The following RASSF8 variants were observed in gnomAD, a reference collection of about 807,000 sequenced individuals.
RASSF8 encodes the protein ras association domain-containing protein 8.
RASSF8 carries 22 observed loss-of-function variants against 48.5 expected under a neutral mutation model. The observed-to-expected ratio is 0.45, with a 90% CI of 0.32 to 0.65. The LOEUF (loss-of-function observed/expected upper bound fraction) is 0.65. Ranked by LOEUF, RASSF8 falls within the 30% of genes least tolerant of loss-of-function variation. RASSF8 has a pLI of 0.03. For missense variants in RASSF8, 418 were observed against 489.2 expected (o/e 0.85, Z 1.37); for synonymous variants, 127 against 171.5 (o/e 0.74, Z 2.03).
At chr12:26,051,796 T>A (rs531670348) in intron 2 of RASSF8, among the ~76,000 whole-genome samples, 28 of 152,316 alleles carry the variant, frequency 1.8e-4, no homozygotes, top group African/African-American at 5.3e-4. Flanking sequence ...GAAACTCAAC[T>A]GAGTGCTTAC....
chr12:26,073,761 A>T (rs1944041650), downstream of RASSF8, among the ~76,000 whole-genome samples: 3 of 136,074 alleles, frequency 2.2e-5, no homozygotes, highest in South Asian at 4.7e-4. Flanking sequence ...ACACACACAC[A>T]CACACACACA....
chr12:26,066,439 TCTC>T (rs1943876907), intron 4 of RASSF8, among the ~76,000 whole-genome samples: 1 of 152,182 alleles, frequency 6.6e-6, no homozygotes, highest in Non-Finnish European at 1.5e-5. Context: ...ACTGATGTGA[TCTC>T]CTTTCTCCGT....
intron 2 of RASSF8, among the ~76,000 whole-genome samples, chr12:26,013,124 A>G (rs532340527): frequency 4.3e-4 from 65 of 152,264 alleles, no homozygotes; most frequent in Non-Finnish European, 2.9e-4. Context: ...TGTTTTCCAC[A>G]GGATCCTTTG....
intron 2 of RASSF8, among the ~76,000 whole-genome samples, chr12:26,028,194 ATTTTCT>A (rs71069205): frequency 0.38 from 57,718 of 151,834 alleles, 11,590 homozygotes; most frequent in Non-Finnish European, 0.45. Context: ...TCAGAACTTC[ATTTTCT>A]TTCCCTGTAC....
intron 2 of RASSF8, among the ~76,000 whole-genome samples, chr12:26,041,601 A>G (rs1379345187): frequency 1.3e-5 from 2 of 152,140 alleles, no homozygotes; most frequent in Admixed American, 1.3e-4. Context: ...GGGGGGGTGT[A>G]CACACCCATA....
chr12:25,988,407 G>A (rs1276165963), intron 1 of RASSF8, among the ~76,000 whole-genome samples: 1 of 152,024 alleles, frequency 6.6e-6, no homozygotes, highest in African/African-American at 2.4e-5. Context: ...ACAATAAGCT[G>A]GATAATCAAA....
At chr12:26,027,700 A>G (rs559509876) in intron 2 of RASSF8, among the ~76,000 whole-genome samples, 3 of 152,346 alleles carry the variant, frequency 2.0e-5, no homozygotes, top group African/African-American at 7.2e-5. Context: ...CATTGATAAG[A>G]TTAAACATTT....
chr12:26,041,045 G>A (rs867091540), intron 2 of RASSF8, among the ~76,000 whole-genome samples: 6 of 112,540 alleles, frequency 5.3e-5, no homozygotes, highest in Middle Eastern at 4.3e-3. Context: ...CCGCCACCGC[G>A]CCTGGTTAAT....
intron 2 of RASSF8, among the ~76,000 whole-genome samples, chr12:26,051,879 T>G (rs1591803382): frequency 6.6e-6 from 1 of 152,194 alleles, no homozygotes; most frequent in African/African-American, 2.4e-5. Flanking sequence ...ATAATATATA[T>G]GTTTTCCCCA....
chr12:26,065,154 T>A lies in RASSF8; in HGVS notation c.760T>A (p.Cys254Ser). The A allele has an allele frequency of 6.2e-7, 1 of 1,613,886 alleles. No individual in the cohort carries two copies. Among genetic ancestry groups the A allele is most frequent in the South Asian group, 1.1e-5 (1 of 91,026 alleles). Residue 254 changes from cysteine (C) to serine (S), a missense_variant, in exon 4 of 6, where the codon TGT becomes AGT. Physicochemically the swap from Cys to Ser is moderately radical, Grantham distance 112. Transcript: ENST00000689635. Reference protein sequence around the residue: ...LQEIRQKITECENKLKDYLAQ... With the variant: ...LQEIRQKITESENKLKDYLAQ... ...AGAAATAAGACAGAAAATAACAGAA[T>A]GTGAAAACAAATTAAAGGACTATTT...
intron 2 of RASSF8, among the ~76,000 whole-genome samples, chr12:26,026,529 G>A (rs930475588): frequency 5.3e-5 from 8 of 151,966 alleles, no homozygotes; most frequent in Non-Finnish European, 1.0e-4. Flanking sequence ...TCCACCTCCC[G>A]GGTTCAAGTG....
chr12:26,065,814 C>T (rs979580696), intron 4 of RASSF8, among the ~76,000 whole-genome samples: 5 of 152,180 alleles, frequency 3.3e-5, no homozygotes, highest in Admixed American at 2.0e-4. Flanking sequence ...AAACAGCCCC[C>T]GTCCCTTCTC....
chr12:26,003,932 T>G (rs1344698991), intron 2 of RASSF8, among the ~76,000 whole-genome samples: 1 of 152,122 alleles, frequency 6.6e-6, no homozygotes, highest in East Asian at 1.9e-4. Context: ...ATCCTAGCAC[T>G]TTAGGAGGCT....
At position 26,070,481 on chromosome 12, in the gene RASSF8, T is replaced by A. The variant is rs753693882; in HGVS notation, c.*1663T>A. 1.0e-5 allele frequency: 10 copies of A among 985,214 alleles called. No homozygotes were observed. The highest frequency in any genetic ancestry group is 1.2e-5 in the Non-Finnish European group (10 of 829,742). The allele number at this position is 985,214 out of a possible 1,614,324, so 61.0% of individuals were successfully genotyped here. On this transcript the variant is annotated 3_prime_UTR_variant, in exon 6 of 6. Transcript: ENST00000689635. ...TATGAGTTTCTTTGGGTTCTTGGAG[T>A]TATCAAATTGATCTTGCCATTATGT... is the stretch of plus-strand genomic sequence containing the variant.
intron 2 of RASSF8, among the ~76,000 whole-genome samples, chr12:26,014,612 T>C (rs1942604087): frequency 6.6e-6 from 1 of 151,688 alleles, no homozygotes; most frequent in African/African-American, 2.4e-5. Context: ...TATGTATTTA[T>C]TTGAAAATTA....
At chr12:26,049,110 A>G (rs1262720254) in intron 2 of RASSF8, among the ~76,000 whole-genome samples, 1 of 152,198 alleles carries the variant, frequency 6.6e-6, no homozygotes, top group African/African-American at 2.4e-5. Context: ...CCCAAGCTAA[A>G]TACTTGCCTT....
chr12:25,985,095 G>T (rs1241624578), intron 1 of RASSF8, among the ~76,000 whole-genome samples: 2 of 152,118 alleles, frequency 1.3e-5, no homozygotes, highest in Non-Finnish European at 2.9e-5. Context: ...GACTCCCCTG[G>T]ATTGGCCTGC....
intron 1 of RASSF8, among the ~76,000 whole-genome samples, chr12:25,984,147 A>G (rs1379281058): frequency 6.6e-6 from 1 of 151,198 alleles, no homozygotes; most frequent in African/African-American, 2.4e-5. Flanking sequence ...CTCACCCTCT[A>G]ACTCTTGGAC....
intron 2 of RASSF8, among the ~76,000 whole-genome samples, chr12:26,013,406 G>GAGC (rs1429219930): frequency 6.6e-6 from 1 of 152,208 alleles, no homozygotes; most frequent in African/African-American, 2.4e-5. Context: ...GAGCCTCCAT[G>GAGC]AGCTTAAGGG....
Sources: allele counts gnomAD v4.1 joint callset (sites outside exome capture counted in the v4.1 genomes callset), GRCh38; gene constraint gnomAD v4.1.1; transcripts MANE v1.5; gene names NCBI Gene and HGNC (gene_info 2026-07-23, HGNC 2026-07-21).